Variants in SLC8A1 observed in about 807,000 individuals in gnomAD.
SLC8A1 encodes solute carrier family 8 member A1, also known as sodium/calcium exchanger 1.
Under a neutral mutation model 68.3 loss-of-function variants are expected in SLC8A1, and 18 were observed. That is an observed-to-expected ratio of 0.26 (90% CI 0.18 to 0.39). The LOEUF (loss-of-function observed/expected upper bound fraction) is 0.39, where lower values mean the gene tolerates loss of function less well. Among genes scored for constraint, SLC8A1 ranks in the 10% least tolerant of loss-of-function variants. The pLI is 1.00. For missense variants in SLC8A1, 985 were observed against 1,156.7 expected, an observed-to-expected ratio of 0.85 and a Z score of 2.15; for synonymous variants, 475 against 415.5, an observed-to-expected ratio of 1.14 and a Z score of -1.74.
At chr2:40,290,509 A>G (rs1182772347) in intron 2 of SLC8A1, among the ~76,000 whole-genome samples, 1 of 152,182 alleles carries the variant, frequency 6.6e-6, no homozygotes, top group East Asian at 1.9e-4. Context: ...CAGATTTACC[A>G]TAATGTGCGT....
chr2:40,245,113 T>C (rs1291917537), intron 2 of SLC8A1, among the ~76,000 whole-genome samples: 1 of 152,198 alleles, frequency 6.6e-6, no homozygotes, highest in African/African-American at 2.4e-5. Context: ...GTGATAGCCA[T>C]GAAAATAATC....
intron 2 of SLC8A1, among the ~76,000 whole-genome samples, chr2:40,197,265 G>A (rs538047704): frequency 4.1e-4 from 62 of 152,022 alleles, no homozygotes; most frequent in African/African-American, 1.3e-3. Flanking sequence ...CACTTTCTAC[G>A]CATGCATGTA....
intron 1 of SLC8A1, among the ~76,000 whole-genome samples, chr2:40,493,933 C>T (rs567598727): frequency 6.6e-6 from 1 of 151,240 alleles, no homozygotes; most frequent in Non-Finnish European, 1.5e-5. Context: ...CCTTTCCTTC[C>T]TTCCTTTTTA....
At chr2:40,171,475 A>T (rs972212405) in intron 4 of SLC8A1, among the ~76,000 whole-genome samples, 1 of 152,186 alleles carries the variant, frequency 6.6e-6, no homozygotes, top group Non-Finnish European at 1.5e-5. Flanking sequence ...ATTCATGTTT[A>T]TATGGTCCAG....
intron 2 of SLC8A1, among the ~76,000 whole-genome samples, chr2:40,352,215 A>T (rs757477891): frequency 1.3e-5 from 2 of 152,210 alleles, no homozygotes; most frequent in Non-Finnish European, 2.9e-5. Flanking sequence ...CCAGTGTGTC[A>T]TGTGAACAAT....
intron 2 of SLC8A1, among the ~76,000 whole-genome samples, chr2:40,337,902 G>A (rs1284528664): frequency 1.3e-5 from 2 of 152,134 alleles, no homozygotes; most frequent in Non-Finnish European, 2.9e-5. Flanking sequence ...TAAGTTAGAT[G>A]TCTTACTAGT....
At chr2:40,218,088 A>AAAACC (rs1444611579) in intron 2 of SLC8A1, among the ~76,000 whole-genome samples, 1 of 109,664 alleles carries the variant, frequency 9.1e-6, no homozygotes, top group Non-Finnish European at 2.0e-5. Flanking sequence ...TTATATTTCA[A>AAAACC]CTTCTTACAG....
At chr2:40,247,484 G>A (rs761681524) in intron 2 of SLC8A1, among the ~76,000 whole-genome samples, 18 of 152,004 alleles carry the variant, frequency 1.2e-4, no homozygotes, top group Middle Eastern at 6.8e-3. Context: ...CTGAGGCATG[G>A]GTTTTACTAA....
intron 2 of SLC8A1, among the ~76,000 whole-genome samples, chr2:40,378,294 C>T (rs1261263224): frequency 1.3e-5 from 2 of 152,098 alleles, no homozygotes; most frequent in African/African-American, 4.8e-5. Flanking sequence ...ATCTGAGTAA[C>T]AGCCTGAAGA....
At chr2:40,188,963 T>C (rs1465411239) in intron 2 of SLC8A1, among the ~76,000 whole-genome samples, 1 of 152,234 alleles carries the variant, frequency 6.6e-6, no homozygotes, top group African/African-American at 2.4e-5. Flanking sequence ...TTTAATTTTA[T>C]GTCTAATATT....
At chr2:40,183,368 G>A (rs1024500507) in intron 2 of SLC8A1, among the ~76,000 whole-genome samples, 1 of 152,204 alleles carries the variant, frequency 6.6e-6, no homozygotes, top group African/African-American at 2.4e-5. Flanking sequence ...TATGAACAAT[G>A]ATAGAATTTC....
intron 2 of SLC8A1, among the ~76,000 whole-genome samples, chr2:40,220,620 C>T (rs1032715403): frequency 2.0e-5 from 3 of 152,150 alleles, no homozygotes; most frequent in African/African-American, 7.2e-5. Context: ...TAACTCCTAA[C>T]CTGGTCAATG....
At chr2:40,383,121 G>C (rs2888676) in intron 2 of SLC8A1, among the ~76,000 whole-genome samples, 111,410 of 151,684 alleles carry the variant, frequency 0.73, 42,281 homozygotes, top group African/African-American at 0.93. Context: ...GATACGTTCT[G>C]TTTTGACACA....
intron 2 of SLC8A1, among the ~76,000 whole-genome samples, chr2:40,257,665 C>T (rs2064132140): frequency 6.6e-6 from 1 of 152,200 alleles, no homozygotes; most frequent in Admixed American, 6.5e-5. Context: ...CCTTTCAAAG[C>T]AGTGTGATTA....
At chr2:40,184,258 A>G (rs1223184068) in intron 2 of SLC8A1, among the ~76,000 whole-genome samples, 6 of 152,174 alleles carry the variant, frequency 3.9e-5, no homozygotes, top group Admixed American at 3.9e-4. Flanking sequence ...GCTTGCTTTA[A>G]AAGGATACAT....
At chr2:40,216,482 T>C (rs996856681) in intron 2 of SLC8A1, among the ~76,000 whole-genome samples, 3 of 152,216 alleles carry the variant, frequency 2.0e-5, no homozygotes, top group African/African-American at 7.2e-5. Flanking sequence ...TGTGTCTTTA[T>C]AGTAGAATGA....
chr2:40,460,728 T>C (rs925627082), intron 1 of SLC8A1, among the ~76,000 whole-genome samples: 1 of 152,052 alleles, frequency 6.6e-6, no homozygotes, highest in African/African-American at 2.4e-5. Flanking sequence ...GGCACCGCCA[T>C]GCCCAGCTGA....
intron 2 of SLC8A1, among the ~76,000 whole-genome samples, chr2:40,297,459 G>T (rs2070615963): frequency 6.6e-6 from 1 of 152,136 alleles, no homozygotes; most frequent in African/African-American, 2.4e-5. Flanking sequence ...TTTCCACTGT[G>T]TAACAAAGTG....
At chr2:40,127,804 A>G (rs936361566) in intron 7 of SLC8A1, among the ~76,000 whole-genome samples, 12 of 152,194 alleles carry the variant, frequency 7.9e-5, no homozygotes, top group African/African-American at 2.7e-4. Context: ...TACAACACAT[A>G]ATTTCTTGAA....
Sources: allele counts gnomAD v4.1 joint callset (sites outside exome capture counted in the v4.1 genomes callset), GRCh38; gene constraint gnomAD v4.1.1; transcripts MANE v1.5; gene names NCBI Gene and HGNC (gene_info 2026-07-23, HGNC 2026-07-21).